Variants in OSBPL3 observed in about 807,000 individuals in gnomAD.
OSBPL3 encodes the protein oxysterol-binding protein-related protein 3.
A neutral mutation model predicts 120.1 loss-of-function variants in OSBPL3; 65 were observed. The ratio of observed to expected loss-of-function variants is 0.54; its 90% CI spans 0.44 to 0.67. The LOEUF (loss-of-function observed/expected upper bound fraction) is 0.67, where lower values mean the gene tolerates loss of function less well. Ranked by LOEUF, OSBPL3 falls within the 30% of genes least tolerant of loss-of-function variation. The pLI is 0.00. For missense variants in OSBPL3, 1,004 were observed against 1,082.1 expected (o/e 0.93, Z 1.01); for synonymous variants, 416 against 402.6 (o/e 1.03, Z -0.40).
rs1801517691 is a variant in OSBPL3, at chr7:24,867,616, T to C, written c.382-1379A>G. On this transcript the variant is annotated intron_variant, in intron 5 of 22. Coordinates refer to ENST00000313367, the MANE Select transcript of OSBPL3 (RefSeq NM_015550.4). The surrounding 1 kb of genome is among the most constrained non-coding windows in gnomAD (Gnocchi z 4.5). ...ATCCACAGATGATGTCACTTGCTCC[T>C]ATTTGCCTTCTGCCATGACTGTGAG... 6.6e-6 allele frequency among the ~76,000 whole-genome samples: 1 copy of C among 152,220 alleles called. No individual in the cohort carries two copies. Among genetic ancestry groups the C allele is most frequent in the Admixed American group, 6.5e-5 (1 of 15,284 alleles).
In OSBPL3 at chr7:24,894,234, T is replaced by C. The variant is rs17229427; in HGVS notation, c.-149-1613A>G. Reference sequence around the variant, plus strand: ...AAATACAAAATCTCAGAAAATGAAATTAAGGTGCCCAGAGCCATAGAGCTC... The same window carrying C: ...AAATACAAAATCTCAGAAAATGAAACTAAGGTGCCCAGAGCCATAGAGCTC... On this transcript the variant is annotated intron_variant, in intron 1 of 22. Transcript: ENST00000313367. This position sits in a 1 kb window ranked among gnomAD's most constrained non-coding sequence, Gnocchi z 4.1. Among the ~76,000 whole-genome samples the C allele has an allele frequency of 0.2, 30,084 of 151,976 alleles. 3,317 individuals carry two copies. The highest frequency in any genetic ancestry group is 0.24 in the Non-Finnish European group (16,224 of 67,942).
rs1227553349 is a variant in OSBPL3, at chr7:24,932,832, G to A, written c.-149-40211C>T. 6.6e-6 allele frequency among the ~76,000 whole-genome samples: 1 copy of A among 152,232 alleles called. No individual in the cohort carries two copies. Among genetic ancestry groups the A allele is most frequent in the Non-Finnish European group, 1.5e-5 (1 of 68,048 alleles). On this transcript the variant is annotated intron_variant, in intron 1 of 22. Coordinates refer to ENST00000313367, the MANE Select transcript of OSBPL3 (RefSeq NM_015550.4). The surrounding 1 kb of genome is among the most constrained non-coding windows in gnomAD (Gnocchi z 5.6). ...TGCCTTATATTCAAGCATTTGAAATGTTGGGCATTCAGGAACGATCTTTCT... is the reference window on the plus strand; with the variant it reads ...TGCCTTATATTCAAGCATTTGAAATATTGGGCATTCAGGAACGATCTTTCT...
chr7:24,913,201 T>C lies in OSBPL3; in HGVS notation c.-149-20580A>G, dbSNP rs1809081054. Reference sequence around the variant, plus strand: ...TGTCAGGGATACATAAATATTGTCATTAACCTACCAGTTCATCGTCATTGT... The same window carrying C: ...TGTCAGGGATACATAAATATTGTCACTAACCTACCAGTTCATCGTCATTGT... On this transcript the variant is annotated intron_variant, in intron 1 of 22. Transcript: ENST00000313367. The surrounding 1 kb of genome is among the most constrained non-coding windows in gnomAD (Gnocchi z 5.3). 6.6e-6 allele frequency among the ~76,000 whole-genome samples: 1 copy of C among 152,188 alleles called. No homozygotes were observed. The highest frequency in any genetic ancestry group is 1.5e-5 in the Non-Finnish European group (1 of 68,040).
In OSBPL3 at chr7:24,939,699, C is replaced by G. The variant is rs1179379168; in HGVS notation, c.-150+40187G>C. On this transcript the variant is annotated intron_variant, in intron 1 of 22. Transcript: ENST00000313367. The surrounding 1 kb of genome is among the most constrained non-coding windows in gnomAD (Gnocchi z 4.2). Reference sequence around the variant, plus strand: ...TTGCAGCCAAAATCACCCTAATAGTCAACAGTATCAAACATTAACAGGCCA... The same window carrying G: ...TTGCAGCCAAAATCACCCTAATAGTGAACAGTATCAAACATTAACAGGCCA... 6.6e-6 allele frequency among the ~76,000 whole-genome samples: 1 copy of G among 152,044 alleles called. No homozygotes were observed. Among genetic ancestry groups the G allele is most frequent in the East Asian group, 1.9e-4 (1 of 5,188 alleles).
In OSBPL3 at chr7:24,979,737, C is replaced by A. The variant is rs1168207346; in HGVS notation, c.-150+149G>T. On this transcript the variant is annotated intron_variant, in intron 1 of 22. Transcript: ENST00000313367. ...CCAAGCTCCCAGGCTTGGGTCTGCCCCAGGGCCGGAGCCTCCCCGGGCGAC... is the reference window on the plus strand; with the variant it reads ...CCAAGCTCCCAGGCTTGGGTCTGCCACAGGGCCGGAGCCTCCCCGGGCGAC... 2.6e-5 allele frequency: 8 copies of A among 303,974 alleles called. No individual in the cohort carries two copies. In the Admixed American group the frequency reaches 4.6e-4, roughly 17 times the overall value. 18.8% of individuals were successfully genotyped at this position (303,974 alleles called of 1,614,324 possible). A position where few individuals can be genotyped will look rare whatever the true frequency, so the allele number is the denominator to read the frequency against.
chr7:24,813,494 C>T lies in OSBPL3; in HGVS notation c.2172+1565G>A, dbSNP rs1165498431. 1.3e-5 allele frequency among the ~76,000 whole-genome samples: 2 copies of T among 152,198 alleles called. No homozygotes were observed. The highest frequency in any genetic ancestry group is 2.9e-5 in the Non-Finnish European group (2 of 68,046). ...GGTCACGGGTAACATATCCCTGCTT[C>T]AGGTTGCCTTTTGTTTCTGTTTGCA... On this transcript the variant is annotated intron_variant, in intron 19 of 22. Transcript: ENST00000313367. The surrounding 1 kb of genome is among the most constrained non-coding windows in gnomAD (Gnocchi z 4.5).
chr7:24,873,246 C>T lies in OSBPL3; in HGVS notation c.97-1177G>A, dbSNP rs879113475. On this transcript the variant is annotated intron_variant, in intron 2 of 22. Coordinates refer to ENST00000313367, the MANE Select transcript of OSBPL3 (RefSeq NM_015550.4). This position sits in a 1 kb window ranked among gnomAD's most constrained non-coding sequence, Gnocchi z 4.1. ...TGAACCAGCACCAGGGAGCAGGAGGCAGTTAGATTCAAGTCCTGGGACACA... is the reference window on the plus strand; with the variant it reads ...TGAACCAGCACCAGGGAGCAGGAGGTAGTTAGATTCAAGTCCTGGGACACA... Among the ~76,000 whole-genome samples the T allele has an allele frequency of 1.3e-5, 2 of 152,172 alleles. No homozygotes were observed. The highest frequency in any genetic ancestry group is 4.8e-5 in the African/African-American group (2 of 41,432).
chr7:24,928,549 T>C (rs1172010588), intron 1 of OSBPL3, among the ~76,000 whole-genome samples: 8 of 152,158 alleles, frequency 5.3e-5, no homozygotes, highest in Non-Finnish European at 1.2e-4. Flanking sequence ...AGTAAGAGAA[T>C]ACAGCACCCC....
In OSBPL3 at chr7:24,798,590, G is replaced by A. The variant is rs1366630396; in HGVS notation, c.*1593C>T. On this transcript the variant is annotated 3_prime_UTR_variant, in exon 23 of 23. Transcript: ENST00000313367. The surrounding 1 kb of genome is among the most constrained non-coding windows in gnomAD (Gnocchi z 4.6). ...TGTTTTAAAATGCCAGTCACGTGCAGATTCCAGAAGGCTACACATCCACTT... is the reference window on the plus strand; with the variant it reads ...TGTTTTAAAATGCCAGTCACGTGCAAATTCCAGAAGGCTACACATCCACTT... 6.6e-6 allele frequency: 1 copy of A among 152,214 alleles called. No individual in the cohort carries two copies. The highest frequency in any genetic ancestry group is 1.5e-5 in the Non-Finnish European group (1 of 68,034). 9.4% of individuals were successfully genotyped at this position (152,214 alleles called of 1,614,324 possible).
chr7:24,977,327 T>C (rs1333967352), intron 1 of OSBPL3, among the ~76,000 whole-genome samples: 2 of 152,192 alleles, frequency 1.3e-5, no homozygotes, highest in African/African-American at 4.8e-5. Flanking sequence ...ATCTAGACAC[T>C]TGATATCAGC....
chr7:24,885,031 C>A (rs1804286023), intron 2 of OSBPL3, among the ~76,000 whole-genome samples: 1 of 151,900 alleles, frequency 6.6e-6, no homozygotes, highest in Non-Finnish European at 1.5e-5. Context: ...CACTTGTAAT[C>A]CCAGCACTTT....
rs759665582 is a variant in OSBPL3 at position 24,866,252 on chromosome 7, A to T, written c.382-15T>A. ...TCTGACTTGACCTATAATATATTCG[A>T]TTGAAAAAAGGAAACAAGAGAATCA... On this transcript the variant is annotated splice_polypyrimidine_tract_variant and intron_variant, in intron 5 of 22. Coordinates refer to ENST00000313367, the MANE Select transcript of OSBPL3 (RefSeq NM_015550.4). 4 of 1,586,840 alleles carry T rather than the reference A, an allele frequency of 2.5e-6. No homozygotes were observed. Among genetic ancestry groups the T allele is most frequent in the South Asian group, 2.2e-5 (2 of 90,388 alleles).
At chr7:24,969,919 T>G (rs1337952478) in intron 1 of OSBPL3, among the ~76,000 whole-genome samples, 1 of 152,118 alleles carries the variant, frequency 6.6e-6, no homozygotes, top group Non-Finnish European at 1.5e-5. Flanking sequence ...GGAGTTACTA[T>G]GGGATTTAGG....
At position 24,972,015 on chromosome 7, in the gene OSBPL3, C is replaced by T. The variant is rs541775116; in HGVS notation, c.-150+7871G>A. Among the ~76,000 whole-genome samples the T allele has an allele frequency of 1.3e-5, 2 of 152,324 alleles. No homozygotes were observed. The highest frequency in any genetic ancestry group is 1.3e-4 in the Admixed American group (2 of 15,310). ...TCTTTTAGGCTTCACATACCCCTAA[C>T]CCACTTTGCCTCAGATGCCAGACAA... On this transcript the variant is annotated intron_variant, in intron 1 of 22. Coordinates refer to ENST00000313367, the MANE Select transcript of OSBPL3 (RefSeq NM_015550.4). The surrounding 1 kb of genome is among the most constrained non-coding windows in gnomAD (Gnocchi z 4.3).
At position 24,865,414 on chromosome 7, in the gene OSBPL3, A is replaced by G. The variant is rs1165358292; in HGVS notation, c.601T>C (p.Phe201Leu). The G allele has an allele frequency of 2.5e-6, 4 of 1,613,608 alleles. No homozygotes were observed. The South Asian group carries it at 3.3e-5, about 13-fold the overall frequency. Reference protein sequence around the residue: ...NLFQTGSNVSFSCGGETRVPL... With the variant: ...NLFQTGSNVSLSCGGETRVPL... ...ACTCGTGTCTCACCACCACAAGAAA[A>G]TGATACATTGCTTCCAGTTTGAAAT... Residue 201 changes from phenylalanine (F) to leucine (L), a missense_variant, in exon 7 of 23, where the codon TTT becomes CTT. Coordinates refer to ENST00000313367, the MANE Select transcript of OSBPL3 (RefSeq NM_015550.4).
Position 24,804,367 on chromosome 7 carries a change from T to G in OSBPL3, c.2515A>C (p.Arg839=). 6.2e-7 allele frequency: 1 copy of G among 1,614,136 alleles called. No homozygotes were observed. The highest frequency in any genetic ancestry group is 1.1e-5 in the South Asian group (1 of 91,074). The stretch of plus-strand genomic sequence containing the variant: ...TGATTTTCTTCTAAGACCCGCCGCC[T>G]TTCTCTCTGCAGTTGTTCAATCCTC... ...KQRIEQLQRE[R]RRVLEENHVE... is the part of the protein sequence containing the mutation. Residue 839 remains arginine (R), a synonymous_variant, in exon 22 of 23, where the codon AGG becomes CGG. Coordinates refer to ENST00000313367, the MANE Select transcript of OSBPL3 (RefSeq NM_015550.4). This position sits in a 1 kb window ranked among gnomAD's most constrained non-coding sequence, Gnocchi z 5.4.
intron 16 of OSBPL3, among the ~76,000 whole-genome samples, chr7:24,828,675 C>A (rs533178009): frequency 6.7e-6 from 1 of 148,488 alleles, no homozygotes; most frequent in Admixed American, 6.8e-5. Flanking sequence ...AGAGCAATAG[C>A]CATTTACTGA....
At chr7:24,886,512 T>C (rs1385534779) in intron 2 of OSBPL3, among the ~76,000 whole-genome samples, 1 of 152,254 alleles carries the variant, frequency 6.6e-6, no homozygotes, top group Non-Finnish European at 1.5e-5. Context: ...TGCTCCCGCA[T>C]GTTCTCCATG....
intron 10 of OSBPL3, among the ~76,000 whole-genome samples, chr7:24,856,154 C>A (rs1257340032): frequency 1.3e-5 from 2 of 152,174 alleles, no homozygotes; most frequent in African/African-American, 4.8e-5. Flanking sequence ...CTTTCCCAAA[C>A]TGTCATTAGC....
Sources: allele counts gnomAD v4.1 joint callset (sites outside exome capture counted in the v4.1 genomes callset), GRCh38; gene constraint gnomAD v4.1.1; non-coding constraint Gnocchi (gnomAD v3.1); transcripts MANE v1.5; gene names NCBI Gene and HGNC (gene_info 2026-07-23, HGNC 2026-07-21).